The following PDE1C variants were observed in gnomAD, a reference collection of about 807,000 sequenced individuals.
PDE1C encodes the protein phosphodiesterase 1C.
PDE1C carries 62 observed loss-of-function variants against 93.1 expected under a neutral mutation model. The ratio of observed to expected loss-of-function variants is 0.67; its 90% CI spans 0.54 to 0.82. PDE1C has a LOEUF of 0.82. Among genes scored for constraint, PDE1C ranks in the 40% least tolerant of loss-of-function variants. The pLI is 0.00. For synonymous variants in PDE1C, 325 were observed against 310.1 expected (o/e 1.05, Z -0.50); for missense variants, 742 against 884.6 (o/e 0.84, Z 2.04).
intron 1 of PDE1C, among the ~76,000 whole-genome samples, chr7:32,427,271 C>T (rs1447355267): frequency 6.6e-6 from 1 of 152,156 alleles, no homozygotes; most frequent in African/African-American, 2.4e-5. Flanking sequence ...CCCTGTGTCA[C>T]AGATGAAAAA....
At chr7:31,883,281 C>G (rs1231095959) in intron 2 of PDE1C, among the ~76,000 whole-genome samples, 1 of 152,154 alleles carries the variant, frequency 6.6e-6, no homozygotes, top group Non-Finnish European at 1.5e-5. Flanking sequence ...AAAACAAAAA[C>G]TTTAAGCACA....
chr7:32,117,737 G>T (rs559596981), intron 3 of PDE1C, among the ~76,000 whole-genome samples: 1 of 152,326 alleles, frequency 6.6e-6, no homozygotes, highest in Non-Finnish European at 1.5e-5. Context: ...TTGCAGTCAA[G>T]AGTGTTCAAA....
At chr7:31,942,832 G>A (rs1806038144) in intron 2 of PDE1C, among the ~76,000 whole-genome samples, 1 of 152,132 alleles carries the variant, frequency 6.6e-6, no homozygotes, top group Admixed American at 6.6e-5. Flanking sequence ...TCACATATAT[G>A]AAAACAAGAT....
At chr7:32,323,897 C>T (rs1031620747) in intron 1 of PDE1C, among the ~76,000 whole-genome samples, 1 of 152,156 alleles carries the variant, frequency 6.6e-6, no homozygotes, top group East Asian at 1.9e-4. Context: ...TCTAATACAA[C>T]CTGTCCCATC....
chr7:32,041,028 C>A (rs879847633), intron 2 of PDE1C, among the ~76,000 whole-genome samples: 3 of 152,286 alleles, frequency 2.0e-5, no homozygotes, highest in Admixed American at 6.5e-5. Flanking sequence ...CCTGTATCAT[C>A]TCAAAGTGTA....
At chr7:31,816,761 G>A (rs1469113995) in intron 14 of PDE1C, among the ~76,000 whole-genome samples, 1 of 152,176 alleles carries the variant, frequency 6.6e-6, no homozygotes, top group Non-Finnish European at 1.5e-5. Context: ...AAACAAGGAA[G>A]GGGATAATTG....
chr7:32,149,221 G>A (rs1002475522), intron 3 of PDE1C, among the ~76,000 whole-genome samples: 2 of 152,158 alleles, frequency 1.3e-5, no homozygotes, highest in African/African-American at 4.8e-5. Context: ...CATGAACATC[G>A]AAGTTAGTTA....
At chr7:31,942,222 G>A (rs931598558) in intron 2 of PDE1C, among the ~76,000 whole-genome samples, 1 of 152,030 alleles carries the variant, frequency 6.6e-6, no homozygotes, top group Non-Finnish European at 1.5e-5. Context: ...CAAAGCTCAG[G>A]GCAGAAATCA....
intron 16 of PDE1C, among the ~76,000 whole-genome samples, chr7:31,797,752 A>G (rs1785486109): frequency 6.6e-6 from 1 of 151,730 alleles, no homozygotes. Flanking sequence ...AGGAAAAAAA[A>G]TCGAGAACAT....
At chr7:32,063,725 T>G (rs1239668508) in intron 1 of PDE1C, among the ~76,000 whole-genome samples, 1 of 152,240 alleles carries the variant, frequency 6.6e-6, no homozygotes, top group Non-Finnish European at 1.5e-5. Context: ...ACTTGATCTT[T>G]ATTAAGAAAA....
intron 1 of PDE1C, among the ~76,000 whole-genome samples, chr7:32,256,945 T>C (rs1344044106): frequency 1.3e-5 from 2 of 152,188 alleles, no homozygotes; most frequent in Non-Finnish European, 2.9e-5. Flanking sequence ...GAAAAGGTCA[T>C]TTTGAGGTTG....
intron 3 of PDE1C, among the ~76,000 whole-genome samples, chr7:32,092,575 A>G (rs1040952350): frequency 6.6e-6 from 1 of 152,172 alleles, no homozygotes; most frequent in African/African-American, 2.4e-5. Flanking sequence ...CTCTGAACAC[A>G]ATCAAGAGTG....
At chr7:32,254,287 G>T (rs1809620594) in intron 1 of PDE1C, among the ~76,000 whole-genome samples, 1 of 152,156 alleles carries the variant, frequency 6.6e-6, no homozygotes, top group African/African-American at 2.4e-5. Context: ...TGTTATGCAG[G>T]TGAGGACCAA....
chr7:31,785,040 A>G (rs772931940), intron 16 of PDE1C: 3 of 152,252 alleles, frequency 2.0e-5, no homozygotes, highest in Non-Finnish European at 4.4e-5. Flanking sequence ...AGGACAATCT[A>G]TTTAAAACCC....
At chr7:31,970,245 G>A (rs1810747753) in intron 2 of PDE1C, among the ~76,000 whole-genome samples, 1 of 152,158 alleles carries the variant, frequency 6.6e-6, no homozygotes, top group South Asian at 2.1e-4. Context: ...TGAGTCAGTG[G>A]ACAGTTTGCA....
At chr7:31,689,012 G>T in the PDE1C span, among the ~76,000 whole-genome samples, 1 of 152,214 alleles carries the variant, frequency 6.6e-6, no homozygotes, top group Admixed American at 6.5e-5. Context: ...GTCACTTAGT[G>T]TGAATATTCA....
chr7:31,626,659 G>C, the PDE1C span, among the ~76,000 whole-genome samples: 1 of 152,178 alleles, frequency 6.6e-6, no homozygotes, highest in East Asian at 1.9e-4. Context: ...CTGTAAAGGA[G>C]GAGTCAGTGC....
rs967163754 is a variant in PDE1C at position 32,400,046 on chromosome 7, C to G, written c.310+27776G>C. 9.2e-5 allele frequency among the ~76,000 whole-genome samples: 14 copies of G among 152,120 alleles called. 1 individual carries two copies. The highest frequency in any genetic ancestry group is 5.8e-4 in the East Asian group (3 of 5,200). On this transcript the variant is annotated intron_variant, in intron 1 of 1. Coordinates refer to the PDE1C transcript ENST00000672256. ...CTGAACAGGTTCTCATTTGTAAAGT[C>G]CTAGGATAGTCCCATAAAGTAGGTA...
chr7:32,403,677 A>T (rs1392433503), intron 1 of PDE1C, among the ~76,000 whole-genome samples: 1 of 152,140 alleles, frequency 6.6e-6, no homozygotes, highest in Non-Finnish European at 1.5e-5. Flanking sequence ...CTACTCTATG[A>T]TTCAATTTGA....
Sources: gnomAD v4.1 joint callset for allele counts (sites outside exome capture counted in the v4.1 genomes callset) on GRCh38, gnomAD v4.1.1 for gene constraint, MANE v1.5 for transcripts, NCBI Gene and HGNC (gene_info 2026-07-23, HGNC 2026-07-21) for gene names.